Variants in TUT4 observed in about 807,000 individuals in gnomAD.
TUT4 encodes terminal uridylyl transferase 4.
In TUT4, 36 loss-of-function variants were observed where a neutral mutation model predicts 192.2. The ratio of observed to expected loss-of-function variants is 0.19; its 90% CI spans 0.14 to 0.25. The LOEUF (loss-of-function observed/expected upper bound fraction) is 0.25, where lower values mean the gene tolerates loss of function less well. Ranked by LOEUF, TUT4 falls within the 10% of genes least tolerant of loss-of-function variation. TUT4 has a pLI of 1.00. For synonymous variants in TUT4, 618 were observed against 666.0 expected (o/e 0.93, Z 1.11); for missense variants, 1,493 against 1,957.2 (o/e 0.76, Z 4.47).
At chr1:52,447,898 T>TG (rs1184489232) in intron 20 of TUT4, among the ~76,000 whole-genome samples, 1 of 152,252 alleles carries the variant, frequency 6.6e-6, no homozygotes, top group Non-Finnish European at 1.5e-5. Context: ...CCGTGACTAA[T>TG]GGGTCCCAGA....
intron 5 of TUT4, 119 bp downstream of exon 5, chr1:52,496,887 A>G (rs1397373346): frequency 5.0e-6 from 5 of 999,942 alleles, no homozygotes; most frequent in Non-Finnish European, 7.0e-6. Context: ...TAAAACAATA[A>G]ATTTTATCTA....
intron 6 of TUT4, among the ~76,000 whole-genome samples, chr1:52,494,981 AT>A (rs1413257117): frequency 6.6e-6 from 1 of 152,130 alleles, no homozygotes; most frequent in Non-Finnish European, 1.5e-5. Context: ...ACCAGATACT[AT>A]ATTAAGACAC....
chr1:52,553,072 A>T lies in TUT4; in HGVS notation c.-235T>A, dbSNP rs901274359. ...ACGACTAGCTCAGGACTCCACCGCC[A>T]TGTCCGCCGCGCCGCGAACTGCATT... is the stretch of plus-strand genomic sequence containing the variant. On this transcript the variant is annotated 5_prime_UTR_variant, in exon 1 of 30. An upstream start codon of the reference 5' UTR is lost. Coordinates refer to ENST00000257177, the MANE Select transcript of TUT4 (RefSeq NM_001009881.3). 1 of 144,592 alleles carries T rather than the reference A, an allele frequency of 6.9e-6. No individual in the cohort carries two copies. 9.0% of individuals were successfully genotyped at this position (144,592 alleles called of 1,614,324 possible).
chr1:52,430,883 A>T, intron 28 of TUT4, 130 bp downstream of exon 28: 1 of 1,020,150 alleles, frequency 9.8e-7, no homozygotes, highest in Non-Finnish European at 1.4e-6. Context: ...CCATATTCTT[A>T]ATCTTTATCT....
chr1:52,516,566 G>A (rs923272187), intron 2 of TUT4, among the ~76,000 whole-genome samples: 1 of 152,068 alleles, frequency 6.6e-6, no homozygotes, highest in Non-Finnish European at 1.5e-5. Flanking sequence ...TTGCTTCTCT[G>A]CCTCCTAACT....
At chr1:52,438,399 G>A in intron 24 of TUT4, 64 bp from the exon 25 acceptor site, 2 of 1,100,336 alleles carry the variant, frequency 1.8e-6, no homozygotes, top group East Asian at 2.5e-5. Flanking sequence ...CAAATGGAAA[G>A]AAGACCAAGA....
At chr1:52,460,952 GA>G (rs1662386632) in intron 19 of TUT4, 181 bp downstream of exon 19, 9 of 394,852 alleles carry the variant, frequency 2.3e-5, no homozygotes, top group East Asian at 1.1e-4. Flanking sequence ...ATACATACAG[GA>G]AAAAAAGACA....
At chr1:52,541,604 A>G (rs1024734418) in intron 1 of TUT4, among the ~76,000 whole-genome samples, 1 of 152,192 alleles carries the variant, frequency 6.6e-6, no homozygotes, top group African/African-American at 2.4e-5. Context: ...TCAAAGACCT[A>G]AATGTAGAAG....
At chr1:52,466,940 T>C (rs142926482) in intron 15 of TUT4, among the ~76,000 whole-genome samples, 226 of 152,096 alleles carry the variant, frequency 1.5e-3, no homozygotes, top group Non-Finnish European at 2.6e-3. Context: ...GTGCTGGGAT[T>C]ATAGGTGTAA....
At chr1:52,495,203 T>C (rs1239166980) in intron 6 of TUT4, among the ~76,000 whole-genome samples, 2 of 152,152 alleles carry the variant, frequency 1.3e-5, no homozygotes, top group Non-Finnish European at 2.9e-5. Context: ...ATTTTTCCTT[T>C]TTCCAGCTTT....
intron 19 of TUT4, among the ~76,000 whole-genome samples, chr1:52,459,215 G>A (rs1661812495): frequency 6.6e-6 from 1 of 151,812 alleles, no homozygotes; most frequent in Non-Finnish European, 1.5e-5. Flanking sequence ...GAACCCAGGA[G>A]GCAGAGCTTG....
At chr1:52,469,891 CAAAAA>C (rs773732659) in intron 14 of TUT4, among the ~76,000 whole-genome samples, 2 of 69,158 alleles carry the variant, frequency 2.9e-5, no homozygotes, top group Middle Eastern at 7.4e-3. Flanking sequence ...ACTCAGTCTC[CAAAAA>C]AAAAAAAAAA....
chr1:52,477,608 A>G (rs1667437518), intron 12 of TUT4, 100 bp downstream of exon 12: 7 of 1,137,554 alleles, frequency 6.2e-6, no homozygotes, highest in Non-Finnish European at 8.7e-6. Flanking sequence ...AGTGACATAT[A>G]TATATAGTGC....
At chr1:52,529,109 T>C (rs1682648298) in intron 1 of TUT4, among the ~76,000 whole-genome samples, 1 of 152,176 alleles carries the variant, frequency 6.6e-6, no homozygotes, top group Non-Finnish European at 1.5e-5. Flanking sequence ...GGTTCTTCTT[T>C]CTAAATTATT....
intron 1 of TUT4, among the ~76,000 whole-genome samples, chr1:52,537,742 A>T (rs902980137): frequency 4.0e-5 from 6 of 151,840 alleles, no homozygotes; most frequent in Non-Finnish European, 5.9e-5. Flanking sequence ...GCGAAATCCC[A>T]TCTCTACTAA....
intron 24 of TUT4, among the ~76,000 whole-genome samples, chr1:52,444,069 C>CT (rs1656587729): frequency 1.3e-5 from 2 of 152,152 alleles, no homozygotes; most frequent in Non-Finnish European, 2.9e-5. Flanking sequence ...AATCCCCTCT[C>CT]TACTAAAAAT....
Position 52,446,570 on chromosome 1 carries a change from A to G in TUT4, c.3513+20T>C, listed in dbSNP as rs1465463761. ...TATATCAGTGAGCATTCTAGAACATAAAGACTATTTTAAAATTACCAGTTC... is the reference window on the plus strand; with the variant it reads ...TATATCAGTGAGCATTCTAGAACATGAAGACTATTTTAAAATTACCAGTTC... On this transcript the variant is annotated intron_variant, in intron 21 of 29. Transcript: ENST00000257177. The G allele has an allele frequency of 1.9e-6, 3 of 1,588,046 alleles. No individual in the cohort carries two copies. The highest frequency in any genetic ancestry group is 2.6e-6 in the Non-Finnish European group (3 of 1,167,516).
Position 52,515,914 on chromosome 1 carries a change from CTCTT to C in TUT4, c.855_858del (p.Arg286IlefsTer24). The C allele has an allele frequency of 6.2e-7, 1 of 1,613,692 alleles. No homozygotes were observed. Among genetic ancestry groups the C allele is most frequent in the Non-Finnish European group, 8.5e-7 (1 of 1,179,938 alleles). ...ACTTTTTCAAGTCGAAAGATGTGATCTCTTTCTAAGCGTTCTTCTGCTTGTTTCA... is the reference window on the plus strand; with the variant it reads ...ACTTTTTCAAGTCGAAAGATGTGATCTCTAAGCGTTCTTCTGCTTGTTTCA... On this transcript the variant is annotated frameshift_variant, in exon 3 of 30. Coordinates refer to ENST00000257177, the MANE Select transcript of TUT4 (RefSeq NM_001009881.3). LOFTEE classifies it high-confidence loss of function.
chr1:52,497,602 C>T (rs572032765), intron 4 of TUT4, among the ~76,000 whole-genome samples: 1 of 152,294 alleles, frequency 6.6e-6, no homozygotes, highest in South Asian at 2.1e-4. Context: ...AACTTCCTGC[C>T]TACTATTTAC....
Sources: allele counts gnomAD v4.1 joint callset (sites outside exome capture counted in the v4.1 genomes callset), GRCh38; gene constraint gnomAD v4.1.1; transcripts MANE v1.5; gene names NCBI Gene and HGNC (gene_info 2026-07-23, HGNC 2026-07-21).